The following NAALADL2 variants were observed in gnomAD, a reference collection of about 807,000 sequenced individuals.
NAALADL2 encodes N-acetylated alpha-linked acidic dipeptidase like 2.
NAALADL2 carries 76 observed loss-of-function variants against 87.2 expected under a neutral mutation model. The observed-to-expected ratio is 0.87, with a 90% CI of 0.72 to 1.05. NAALADL2 has a LOEUF of 1.05. Among genes scored for constraint, NAALADL2 ranks in the 50% least tolerant of loss-of-function variants. NAALADL2 has a pLI of 0.00. For synonymous variants in NAALADL2, 354 were observed against 331.0 expected (o/e 1.07, Z -0.75); for missense variants, 1,089 against 945.8 (o/e 1.15, Z -1.99).
At chr3:175,324,768 A>G (rs373310080) in intron 5 of NAALADL2, among the ~76,000 whole-genome samples, 3 of 152,214 alleles carry the variant, frequency 2.0e-5, no homozygotes, top group African/African-American at 7.2e-5. Flanking sequence ...TAGTAAGAAA[A>G]GATGCTGTAG....
At chr3:174,451,686 G>A (rs77148601) in intron 1 of NAALADL2, among the ~76,000 whole-genome samples, 1 of 151,910 alleles carries the variant, frequency 6.6e-6, no homozygotes, top group African/African-American at 2.4e-5. Context: ...CTTCTTTTCG[G>A]TTTACATATT....
At chr3:175,073,907 C>T (rs1716114857) in intron 1 of NAALADL2, among the ~76,000 whole-genome samples, 1 of 151,956 alleles carries the variant, frequency 6.6e-6, no homozygotes, top group Non-Finnish European at 1.5e-5. Flanking sequence ...AACTGCAAGC[C>T]CCCTCCCCTA....
rs548465898 is a variant in NAALADL2, at chr3:174,528,105, A to C, written c.-183-22464A>C. ...ATTTACTATTAATATATTTTATTAT[A>C]AAAAGCTTGTGAATCTAAATTCACA... is the stretch of plus-strand genomic sequence containing the variant. On this transcript the variant is annotated intron_variant, in intron 1 of 3. Coordinates refer to the NAALADL2 transcript ENST00000434257. Among the ~76,000 whole-genome samples, 63 of 152,254 alleles carry C rather than the reference A, an allele frequency of 4.1e-4. No homozygotes were observed. The East Asian group carries it at 0.012, about 29-fold the overall frequency.
chr3:175,294,114 C>T (rs1385860229), intron 4 of NAALADL2, among the ~76,000 whole-genome samples: 5 of 152,038 alleles, frequency 3.3e-5, no homozygotes, highest in Admixed American at 1.3e-4. Flanking sequence ...GGGAATTTGA[C>T]GAGGATTCTG....
intron 1 of NAALADL2, among the ~76,000 whole-genome samples, chr3:174,475,143 AAATC>A (rs1301738597): frequency 6.6e-6 from 1 of 151,926 alleles, no homozygotes; most frequent in African/African-American, 2.4e-5. Flanking sequence ...GTAAAATAAA[AAATC>A]AAGCCACTGG....
chr3:174,598,345 T>C (rs559011444), intron 2 of NAALADL2, among the ~76,000 whole-genome samples: 1 of 152,280 alleles, frequency 6.6e-6, no homozygotes, highest in South Asian at 2.1e-4. Context: ...AATTTTTAAT[T>C]ACTTAGAGCC....
At chr3:174,843,416 A>C (rs1206596367) in intron 3 of NAALADL2, among the ~76,000 whole-genome samples, 1 of 151,988 alleles carries the variant, frequency 6.6e-6, no homozygotes, top group Non-Finnish European at 1.5e-5. Flanking sequence ...GATATATACC[A>C]CATTTTCTTT....
intron 5 of NAALADL2, among the ~76,000 whole-genome samples, chr3:175,356,086 TG>T (rs1490583344): frequency 6.6e-6 from 1 of 152,100 alleles, no homozygotes; most frequent in Non-Finnish European, 1.5e-5. Context: ...AAGAGGACCT[TG>T]GAAACCGAGG....
chr3:174,762,328 T>C (rs1300787226), intron 3 of NAALADL2, among the ~76,000 whole-genome samples: 1 of 149,704 alleles, frequency 6.7e-6, no homozygotes, highest in African/African-American at 2.5e-5. Flanking sequence ...TAATTTTTTG[T>C]ATTTTTAGTA....
chr3:175,022,235 G>C (rs991289456), intron 1 of NAALADL2, among the ~76,000 whole-genome samples: 1 of 151,992 alleles, frequency 6.6e-6, no homozygotes, highest in African/African-American at 2.4e-5. Flanking sequence ...TCCAGCCCCA[G>C]ATATTTACTG....
At chr3:175,768,808 G>A (rs1749091487) in intron 13 of NAALADL2, among the ~76,000 whole-genome samples, 1 of 148,830 alleles carries the variant, frequency 6.7e-6, no homozygotes, top group Non-Finnish European at 1.5e-5. Flanking sequence ...GCTGAGATTG[G>A]TCCACAGCAC....
chr3:174,808,637 C>A (rs761379031), intron 3 of NAALADL2, among the ~76,000 whole-genome samples: 1 of 152,006 alleles, frequency 6.6e-6, no homozygotes, highest in Non-Finnish European at 1.5e-5. Context: ...AATTTTAATA[C>A]CTTTATCATT....
intron 1 of NAALADL2, among the ~76,000 whole-genome samples, chr3:174,523,878 C>A (rs1720493207): frequency 6.6e-6 from 1 of 151,988 alleles, no homozygotes; most frequent in South Asian, 2.1e-4. Flanking sequence ...CATTATTTTG[C>A]TTTTTTCCTT....
At chr3:174,832,514 T>A (rs1352768406) in intron 3 of NAALADL2, among the ~76,000 whole-genome samples, 1 of 152,060 alleles carries the variant, frequency 6.6e-6, no homozygotes, top group Non-Finnish European at 1.5e-5. Context: ...CAGGCTGGAG[T>A]GCAGTGGCTC....
intron 2 of NAALADL2, among the ~76,000 whole-genome samples, chr3:175,162,303 C>G (rs867957622): frequency 3.5e-4 from 53 of 152,218 alleles, no homozygotes; most frequent in African/African-American, 1.2e-3. Flanking sequence ...TATACCTTCC[C>G]CCTTCCTCCA....
intron 1 of NAALADL2, among the ~76,000 whole-genome samples, chr3:174,544,403 GATTTT>G (rs1722535480): frequency 6.6e-6 from 1 of 151,754 alleles, no homozygotes; most frequent in African/African-American, 2.4e-5. Flanking sequence ...CAAAACATAT[GATTTT>G]TTTTCTTTCT....
chr3:174,728,069 T>G (rs910747946), intron 2 of NAALADL2, among the ~76,000 whole-genome samples: 31 of 152,134 alleles, frequency 2.0e-4, no homozygotes, highest in African/African-American at 6.0e-4. Flanking sequence ...TTTTTAGTAC[T>G]GAATAATATT....
At chr3:174,900,900 G>A (rs1428002017) in intron 1 of NAALADL2, among the ~76,000 whole-genome samples, 1 of 151,796 alleles carries the variant, frequency 6.6e-6, no homozygotes, top group East Asian at 1.9e-4. Flanking sequence ...CCTATACTTT[G>A]TCATGACTCT....
In NAALADL2 at chr3:175,730,913, A is replaced by G. The variant is rs796069921; in HGVS notation, c.1897-6393A>G. On this transcript the variant is annotated intron_variant, in intron 11 of 13. Coordinates refer to ENST00000454872, the MANE Select transcript of NAALADL2 (RefSeq NM_207015.3). Reference sequence around the variant, plus strand: ...TGGTGAATAGTTATTTACTTATGCTATGTGCCACAGGTATGCAAATATCAT... The same window carrying G: ...TGGTGAATAGTTATTTACTTATGCTGTGTGCCACAGGTATGCAAATATCAT... Among the ~76,000 whole-genome samples, 28 of 152,246 alleles carry G rather than the reference A, an allele frequency of 1.8e-4. No individual in the cohort carries two copies. In the South Asian group the frequency reaches 5.8e-3, roughly 32 times the overall value.
Sources: allele counts gnomAD v4.1 joint callset (sites outside exome capture counted in the v4.1 genomes callset), GRCh38; gene constraint gnomAD v4.1.1; transcripts MANE v1.5; gene names NCBI Gene and HGNC (gene_info 2026-07-23, HGNC 2026-07-21).